Variants in SYNE1 observed in about 807,000 individuals in gnomAD.
SYNE1 encodes the protein nesprin-1.
Under a neutral mutation model 1,111.0 loss-of-function variants are expected in SYNE1, and 616 were observed. The observed-to-expected ratio is 0.55, with a 90% CI of 0.52 to 0.59. The LOEUF is 0.59. SYNE1 is among the 20% of genes least tolerant of loss of function. SYNE1 has a pLI of 0.00. For missense variants in SYNE1, 10,006 were observed against 10,417.0 expected (o/e 0.96, Z 1.72); for synonymous variants, 3,855 against 3,825.8 (o/e 1.01, Z -0.28).
intron 129 of SYNE1, among the ~76,000 whole-genome samples, chr6:152,178,259 G>T (rs912651285): frequency 1.3e-5 from 2 of 151,906 alleles, no homozygotes; most frequent in Non-Finnish European, 2.9e-5. Context: ...AAAGCAATGA[G>T]AATAGAGACA....
intron 3 of SYNE1, among the ~76,000 whole-genome samples, chr6:152,554,182 AC>A (rs796239005): frequency 1.3e-5 from 2 of 152,250 alleles, no homozygotes; most frequent in African/African-American, 4.8e-5. Flanking sequence ...TACAATGTTA[AC>A]TACTAAGCTC....
In SYNE1 at chr6:152,301,734, T is replaced by C. The variant is rs909125739; in HGVS notation, c.17541+135A>G. 7.3e-6 allele frequency: 7 copies of C among 953,828 alleles called. No homozygotes were observed. In the African/African-American group the frequency reaches 9.9e-5, roughly 14 times the overall value. 59.1% of individuals were successfully genotyped at this position (953,828 alleles called of 1,614,324 possible). ...CGGCCCAACGGTAGTCAAAGAGACT[T>C]AAGGAATCTGTTCCTCCCTCTGAAT... On this transcript the variant is annotated intron_variant, in intron 92 of 145. Coordinates refer to ENST00000367255, the MANE Select transcript of SYNE1 (RefSeq NM_182961.4).
At chr6:152,340,549 C>T (rs2096512349) in intron 74 of SYNE1, among the ~76,000 whole-genome samples, 1 of 152,212 alleles carries the variant, frequency 6.6e-6, no homozygotes, top group African/African-American at 2.4e-5. Context: ...CGTGTTCAGA[C>T]AGTGCCAAAT....
At chr6:152,471,134 G>T (rs1005072399) in intron 16 of SYNE1, among the ~76,000 whole-genome samples, 1 of 151,854 alleles carries the variant, frequency 6.6e-6, no homozygotes, top group Admixed American at 6.6e-5. Flanking sequence ...GGGAATTACG[G>T]TAAAAAAAGA....
intron 127 of SYNE1, among the ~76,000 whole-genome samples, chr6:152,191,320 C>T (rs1329954174): frequency 6.6e-6 from 1 of 151,252 alleles, no homozygotes; most frequent in Admixed American, 6.6e-5. Flanking sequence ...AGTATTCCCT[C>T]CTCCTCTATT....
intron 100 of SYNE1, among the ~76,000 whole-genome samples, chr6:152,263,559 T>A (rs1474561454): frequency 6.9e-6 from 1 of 143,894 alleles, no homozygotes; most frequent in Admixed American, 6.9e-5. Context: ...ACTTGGCTAA[T>A]TTTTTTTTTT....
intron 3 of SYNE1, among the ~76,000 whole-genome samples, chr6:152,600,524 C>T (rs530105748): frequency 3.2e-4 from 48 of 152,212 alleles, no homozygotes; most frequent in South Asian, 1.9e-3. Context: ...TGAGTAGAAG[C>T]TATGGTAACT....
intron 3 of SYNE1, among the ~76,000 whole-genome samples, chr6:152,605,430 T>G (rs1216654054): frequency 6.6e-6 from 1 of 152,198 alleles, no homozygotes; most frequent in African/African-American, 2.4e-5. Flanking sequence ...GTCCTTGAGA[T>G]GTAAAGGGAG....
intron 11 of SYNE1, among the ~76,000 whole-genome samples, chr6:152,493,895 T>C (rs907973119): frequency 3.3e-5 from 5 of 152,162 alleles, no homozygotes; most frequent in African/African-American, 9.7e-5. Context: ...GCTGACCCCA[T>C]AGATCCTAAA....
At chr6:152,303,456 TTAAAA>T (rs887574544) in intron 91 of SYNE1, among the ~76,000 whole-genome samples, 2 of 151,920 alleles carry the variant, frequency 1.3e-5, no homozygotes, top group African/African-American at 4.8e-5. Flanking sequence ...TGTAATGTCT[TTAAAA>T]TAATTGTGTA....
chr6:152,256,607 C>G (rs1180027218), intron 102 of SYNE1, 27 bp downstream of exon 102: 2 of 1,612,520 alleles, frequency 1.2e-6, no homozygotes, highest in Admixed American at 3.3e-5. Context: ...ATAAACCAAG[C>G]CAAACACACT....
intron 42 of SYNE1, among the ~76,000 whole-genome samples, chr6:152,410,656 G>A (rs1458098446): frequency 6.6e-6 from 1 of 152,142 alleles, no homozygotes; most frequent in Non-Finnish European, 1.5e-5. Flanking sequence ...GCTTGAACTC[G>A]GGTGGTAGAG....
chr6:152,197,729 T>C (rs2074464010), intron 127 of SYNE1, among the ~76,000 whole-genome samples: 1 of 152,168 alleles, frequency 6.6e-6, no homozygotes, highest in Non-Finnish European at 1.5e-5. Context: ...TAAACAGATA[T>C]GGTGCCATCT....
At chr6:152,256,912 G>T in intron 101 of SYNE1, 147 bp from the exon 102 acceptor site, 2 of 1,271,868 alleles carry the variant, frequency 1.6e-6, no homozygotes, top group Non-Finnish European at 2.2e-6. Context: ...AACATACCAT[G>T]TCCACTGAAC....
chr6:152,480,659 G>T, intron 14 of SYNE1: 1 of 414,158 alleles, frequency 2.4e-6, no homozygotes, highest in South Asian at 1.8e-5. Flanking sequence ...AAGTACCCAT[G>T]CCCAGGCCTA....
In SYNE1 at chr6:152,511,716, T is replaced by C. The variant is rs191229374; in HGVS notation, c.310-613A>G. On this transcript the variant is annotated intron_variant, in intron 6 of 145. Transcript: ENST00000367255. The stretch of plus-strand genomic sequence containing the variant: ...TTTAGAACCTGACTGTGGTAATACG[T>C]TTTAAAGAAAAACAAAGGAAAGGCA... 8.1e-3 allele frequency: 7,947 copies of C among 982,948 alleles called. 51 individuals are homozygous for C. Among genetic ancestry groups the C allele is most frequent in the Non-Finnish European group, 9.9e-3 (6,287 of 633,606 alleles). The allele number at this position is 982,948 out of a possible 1,614,324, so 60.9% of individuals were successfully genotyped here.
At chr6:152,439,454 C>G (rs1014694272) in intron 32 of SYNE1, among the ~76,000 whole-genome samples, 8 of 152,128 alleles carry the variant, frequency 5.3e-5, no homozygotes. Flanking sequence ...GGTCTCAACT[C>G]GTGGCCTCAA....
At chr6:152,365,240 C>A (rs1246783295) in intron 62 of SYNE1, among the ~76,000 whole-genome samples, 1 of 152,180 alleles carries the variant, frequency 6.6e-6, no homozygotes, top group Non-Finnish European at 1.5e-5. Flanking sequence ...TGAAGGTCTG[C>A]AGTCTTCTCT....
chr6:152,409,944 A>G (rs1213259402), intron 42 of SYNE1, among the ~76,000 whole-genome samples: 1 of 152,218 alleles, frequency 6.6e-6, no homozygotes, highest in Non-Finnish European at 1.5e-5. Flanking sequence ...GAACTCAATG[A>G]CCATTGAAAC....
Sources: allele counts gnomAD v4.1 joint callset (sites outside exome capture counted in the v4.1 genomes callset), GRCh38; gene constraint gnomAD v4.1.1; transcripts MANE v1.5; gene names NCBI Gene and HGNC (gene_info 2026-07-23, HGNC 2026-07-21).